DAAM2: variants seen among roughly 807,000 people sequenced by gnomAD.
DAAM2 encodes the protein dishevelled associated activator of morphogenesis 2.
DAAM2 carries 39 observed loss-of-function variants against 120.7 expected under a neutral mutation model. The observed-to-expected ratio is 0.32, with a 90% CI of 0.25 to 0.42. The LOEUF is 0.42. Ranked by LOEUF, DAAM2 falls within the 10% of genes least tolerant of loss-of-function variation. DAAM2 has a pLI of 1.00. For synonymous variants in DAAM2, 488 were observed against 524.9 expected (o/e 0.93, Z 0.96); for missense variants, 1,283 against 1,401.7 (o/e 0.92, Z 1.35).
chr6:39,809,933 C>T (rs902198921), intron 1 of DAAM2, among the ~76,000 whole-genome samples: 1 of 151,786 alleles, frequency 6.6e-6, no homozygotes, highest in African/African-American at 2.4e-5. Context: ...CCCAGGCTCC[C>T]TCTCTCTCTC....
At chr6:39,831,727 C>T (rs940422410) in intron 1 of DAAM2, among the ~76,000 whole-genome samples, 1 of 129,340 alleles carries the variant, frequency 7.7e-6, no homozygotes, top group African/African-American at 3.0e-5. Flanking sequence ...GACAGGTGCA[C>T]TAGGGGGCAG....
chr6:39,835,087 CTG>C, intron 1 of DAAM2, among the ~76,000 whole-genome samples: 1 of 152,194 alleles, frequency 6.6e-6, no homozygotes, highest in East Asian at 1.9e-4. Flanking sequence ...TCCCACTGGA[CTG>C]TGAGCTCCAG....
At chr6:39,869,819 C>T (rs912733222) in intron 7 of DAAM2, among the ~76,000 whole-genome samples, 1 of 144,226 alleles carries the variant, frequency 6.9e-6, no homozygotes, top group Admixed American at 7.1e-5. Context: ...TAGGGAAGGC[C>T]GGTTGGGGGA....
chr6:39,835,290 G>A (rs1410376928), intron 1 of DAAM2, among the ~76,000 whole-genome samples: 1 of 152,208 alleles, frequency 6.6e-6, no homozygotes, highest in Admixed American at 6.5e-5. Flanking sequence ...ACAGCACGGA[G>A]TCATGAAGTG....
At chr6:39,806,329 G>A (rs138334386) in intron 1 of DAAM2, among the ~76,000 whole-genome samples, 128 of 152,304 alleles carry the variant, frequency 8.4e-4, no homozygotes, top group African/African-American at 2.6e-3. Context: ...CATTTCATCT[G>A]TTGATATGGT....
At chr6:39,842,344 A>G (rs1369782157) in intron 1 of DAAM2, among the ~76,000 whole-genome samples, 1 of 152,196 alleles carries the variant, frequency 6.6e-6, no homozygotes, top group East Asian at 1.9e-4. Flanking sequence ...TAAAAAACAT[A>G]CACGTGGCCA....
intron 1 of DAAM2, among the ~76,000 whole-genome samples, chr6:39,847,816 T>C (rs1364169904): frequency 1.3e-5 from 2 of 152,210 alleles, no homozygotes; most frequent in South Asian, 2.1e-4. Context: ...CCACCAGAAA[T>C]GTCTCTTCTA....
intron 1 of DAAM2, among the ~76,000 whole-genome samples, chr6:39,827,763 T>C (rs984224964): frequency 6.6e-6 from 1 of 152,126 alleles, no homozygotes; most frequent in Non-Finnish European, 1.5e-5. Context: ...CAAAGGGGAA[T>C]CTGGAAAATC....
intron 1 of DAAM2, among the ~76,000 whole-genome samples, chr6:39,825,778 G>T (rs1408650219): frequency 6.6e-6 from 1 of 152,156 alleles, no homozygotes; most frequent in Non-Finnish European, 1.5e-5. Context: ...CAGGCAGGGT[G>T]GGCTCATGTA....
chr6:39,797,386 G>A (rs1487145699), intron 1 of DAAM2, among the ~76,000 whole-genome samples: 2 of 152,094 alleles, frequency 1.3e-5, no homozygotes, highest in African/African-American at 4.8e-5. Context: ...AAACATCGTT[G>A]ACAATCATAT....
chr6:39,883,384 T>A (rs1171852678), intron 14 of DAAM2: 1 of 153,074 alleles, frequency 6.5e-6, no homozygotes, highest in East Asian at 1.9e-4. Flanking sequence ...GTCTCAGCAG[T>A]GTCACTACAG....
At chr6:39,807,013 T>C (rs1485389165) in intron 1 of DAAM2, among the ~76,000 whole-genome samples, 1 of 152,146 alleles carries the variant, frequency 6.6e-6, no homozygotes, top group Non-Finnish European at 1.5e-5. Context: ...GCAATTTCAC[T>C]CCTAGGTAAG....
intron 1 of DAAM2, among the ~76,000 whole-genome samples, chr6:39,804,790 T>C (rs947561186): frequency 1.3e-5 from 2 of 152,094 alleles, no homozygotes; most frequent in African/African-American, 4.8e-5. Flanking sequence ...AGGTGTAAAG[T>C]ATATGAAAAG....
intron 14 of DAAM2, among the ~76,000 whole-genome samples, chr6:39,882,861 C>T (rs771530709): frequency 6.6e-5 from 10 of 152,126 alleles, no homozygotes; most frequent in Admixed American, 2.6e-4. Context: ...GGGTCCCTGG[C>T]CTTCAGAAGG....
intron 19 of DAAM2, among the ~76,000 whole-genome samples, chr6:39,893,786 A>G (rs746906794): frequency 2.0e-5 from 3 of 152,212 alleles, no homozygotes; most frequent in African/African-American, 7.2e-5. Flanking sequence ...GTGTGTGACT[A>G]TAAGTGGAGA....
intron 1 of DAAM2, chr6:39,822,514 G>C (rs1762524644): frequency 6.6e-6 from 1 of 152,186 alleles, no homozygotes; most frequent in Non-Finnish European, 1.5e-5. Context: ...TGAGATTAAA[G>C]CCATTTTTGA....
chr6:39,870,258 G>C (rs1337467170), intron 7 of DAAM2, 82 bp from the exon 8 acceptor site: 2 of 799,776 alleles, frequency 2.5e-6, no homozygotes, highest in Non-Finnish European at 4.3e-6. Flanking sequence ...TCTGTGGCTA[G>C]GGTGGTGATG....
intron 1 of DAAM2, among the ~76,000 whole-genome samples, chr6:39,837,657 C>A (rs1763156056): frequency 1.0e-5 from 1 of 100,106 alleles, no homozygotes; most frequent in African/African-American, 6.2e-5. Flanking sequence ...GAGCGAAACT[C>A]CATCTCAAAA....
At chr6:39,818,538 C>T (rs191496534) in intron 1 of DAAM2, among the ~76,000 whole-genome samples, 2 of 152,320 alleles carry the variant, frequency 1.3e-5, no homozygotes, top group African/African-American at 2.4e-5. Context: ...TCAATTCATT[C>T]GTAGCAGAGG....
Sources: allele counts gnomAD v4.1 joint callset (sites outside exome capture counted in the v4.1 genomes callset), GRCh38; gene constraint gnomAD v4.1.1; transcripts MANE v1.5; gene names NCBI Gene and HGNC (gene_info 2026-07-23, HGNC 2026-07-21).